The following PEAK1 variants were observed in gnomAD, a reference collection of about 807,000 sequenced individuals.
The protein encoded by PEAK1 is pseudopodium enriched atypical kinase 1.
Under a neutral mutation model 124.7 loss-of-function variants are expected in PEAK1, and 54 were observed. That is an observed-to-expected ratio of 0.43 (90% CI 0.35 to 0.54). PEAK1 has a LOEUF of 0.54. PEAK1 is among the 20% of genes least tolerant of loss of function. The pLI is 0.01. For synonymous variants in PEAK1, 719 were observed against 760.0 expected, an observed-to-expected ratio of 0.95 and a Z score of 0.89; for missense variants, 2,046 against 2,134.5, an observed-to-expected ratio of 0.96 and a Z score of 0.82.
chr15:77,279,856 T>G (rs1269650466), intron 5 of PEAK1, among the ~76,000 whole-genome samples: 4 of 152,198 alleles, frequency 2.6e-5, no homozygotes, highest in Admixed American at 2.0e-4. Flanking sequence ...AAAAATTCCA[T>G]TTATACAATA....
At chr15:77,420,624 T>TTAAA (rs555708489), upstream of PEAK1, 8 of 331,162 alleles carry the variant, frequency 2.4e-5, no homozygotes, top group Admixed American at 4.9e-5. Flanking sequence ...GCCTTCGCAA[T>TTAAA]AAAAAAAAAA....
intron 7 of PEAK1, 31 bp from the exon 8 acceptor site, chr15:77,158,727 G>T (rs146445487): frequency 5.0e-6 from 8 of 1,596,488 alleles, no homozygotes; most frequent in Non-Finnish European, 5.1e-6. Context: ...TGTCACACTG[G>T]TATTGGAAGG....
At chr15:77,375,787 A>C (rs2068962110) in intron 1 of PEAK1, among the ~76,000 whole-genome samples, 3 of 152,092 alleles carry the variant, frequency 2.0e-5, no homozygotes, top group Non-Finnish European at 4.4e-5. Context: ...CGAAGTCAGG[A>C]GATCGAGACC....
intron 6 of PEAK1, among the ~76,000 whole-genome samples, chr15:77,191,377 G>A (rs2057824868): frequency 1.3e-5 from 2 of 152,160 alleles, no homozygotes; most frequent in South Asian, 4.1e-4. Context: ...GAAGGGGTAT[G>A]ATCCCTCTAA....
chr15:77,418,027 T>G, intron 1 of PEAK1: 1 of 979,666 alleles, frequency 1.0e-6, no homozygotes, highest in Non-Finnish European at 1.2e-6. Context: ...TTAATGTGAT[T>G]GTCGGCAAAC....
intron 2 of PEAK1, among the ~76,000 whole-genome samples, chr15:77,303,239 T>C (rs1331601329): frequency 1.6e-4 from 24 of 152,240 alleles, no homozygotes; most frequent in Non-Finnish European, 2.9e-5. Flanking sequence ...AGGTCTTGTG[T>C]GAACAGAAGT....
At chr15:77,119,809 T>C (rs2051746413) in intron 9 of PEAK1, among the ~76,000 whole-genome samples, 1 of 152,242 alleles carries the variant, frequency 6.6e-6, no homozygotes, top group African/African-American at 2.4e-5. Context: ...AAATTTGTCA[T>C]TAAAAAGCAT....
chr15:77,385,424 T>A (rs998323855), intron 1 of PEAK1, among the ~76,000 whole-genome samples: 1 of 152,196 alleles, frequency 6.6e-6, no homozygotes, highest in Non-Finnish European at 1.5e-5. Context: ...AACTTCAGAT[T>A]AAAATGTCAG....
In PEAK1 at chr15:77,151,408, T is replaced by C. The variant is rs146026336; in HGVS notation, c.3331+7095A>G. 1.3e-5 allele frequency among the ~76,000 whole-genome samples: 2 copies of C among 152,360 alleles called. 1 individual carries two copies. The highest frequency in any genetic ancestry group is 2.9e-5 in the Non-Finnish European group (2 of 68,040). On this transcript the variant is annotated intron_variant, in intron 8 of 9. Coordinates refer to ENST00000682557, the MANE Select transcript of PEAK1 (RefSeq NM_001385026.1). ...TGAGTTCATTGTAGATTCTGGATAT[T>C]AGCCCTTTGTCAGATGAATAGATTG...
At chr15:77,197,682 A>G (rs2058174265) in intron 6 of PEAK1, among the ~76,000 whole-genome samples, 1 of 152,210 alleles carries the variant, frequency 6.6e-6, no homozygotes, top group Non-Finnish European at 1.5e-5. Context: ...TGTAATTCCT[A>G]GCCCAAACAT....
Position 77,218,918 on chromosome 15 carries a change from C to T in PEAK1, c.-115+33449G>A, listed in dbSNP as rs116559986. 5.2e-3 allele frequency among the ~76,000 whole-genome samples: 792 copies of T among 152,070 alleles called. 8 individuals carry two copies. The highest frequency in any genetic ancestry group is 0.018 in the African/African-American group (762 of 41,476). ...GTGGTGTGGAGAAAGGAATGACATA[C>T]TAAACTGCTCAAGGAAAGGTATGAA... On this transcript the variant is annotated intron_variant, in intron 6 of 9. Coordinates refer to ENST00000682557, the MANE Select transcript of PEAK1 (RefSeq NM_001385026.1).
At chr15:77,164,583 C>G (rs963408460) in intron 7 of PEAK1, among the ~76,000 whole-genome samples, 3 of 152,234 alleles carry the variant, frequency 2.0e-5, no homozygotes, top group African/African-American at 7.2e-5. Context: ...CTGTAAATCA[C>G]TGTCACTTTC....
At chr15:77,162,359 T>C (rs1397531261) in intron 7 of PEAK1, among the ~76,000 whole-genome samples, 2 of 151,768 alleles carry the variant, frequency 1.3e-5, no homozygotes, top group African/African-American at 4.8e-5. Flanking sequence ...GTGGGCGTGG[T>C]GGCGGGTGCC....
chr15:77,181,180 G>A lies in PEAK1; in HGVS notation c.747C>T (p.His249=), dbSNP rs532630848. ...DVLFSNMEEE[H]ESWDESDEEL... ...CTTCATCACTCTCATCCCAACTCTCGTGCTCCTCCTCCATGTTACTGAAAA... is the reference window on the plus strand; with the variant it reads ...CTTCATCACTCTCATCCCAACTCTCATGCTCCTCCTCCATGTTACTGAAAA... Residue 249 remains histidine, a synonymous_variant, in exon 7 of 10, where the codon CAC becomes CAT. Transcript: ENST00000682557. 4.4e-5 allele frequency: 71 copies of A among 1,613,994 alleles called. 1 individual carries two copies. In the South Asian group the frequency reaches 6.4e-4, roughly 14 times the overall value.
intron 9 of PEAK1, among the ~76,000 whole-genome samples, chr15:77,129,093 G>A (rs1455662060): frequency 2.0e-5 from 3 of 152,144 alleles, no homozygotes; most frequent in African/African-American, 7.2e-5. Context: ...TAGAACTGGT[G>A]TCCTTATAAG....
intron 6 of PEAK1, among the ~76,000 whole-genome samples, chr15:77,207,467 C>T (rs1466248208): frequency 1.3e-5 from 2 of 152,064 alleles, no homozygotes; most frequent in Admixed American, 1.3e-4. Context: ...TATACCCATA[C>T]AACAAATACT....
At chr15:77,149,956 C>T (rs566934434) in intron 8 of PEAK1, among the ~76,000 whole-genome samples, 1 of 152,126 alleles carries the variant, frequency 6.6e-6, no homozygotes, top group African/African-American at 2.4e-5. Context: ...TGCCATGTTG[C>T]CTAGGCTAAT....
intron 1 of PEAK1, among the ~76,000 whole-genome samples, chr15:77,366,616 C>T (rs886121025): frequency 1.3e-5 from 2 of 152,054 alleles, no homozygotes; most frequent in Non-Finnish European, 1.5e-5. Context: ...AGTACAGTGG[C>T]GTGATCACAG....
Position 77,298,197 on chromosome 15 carries a change from ATTTTTTTTTTTTTTTTTTTTTT to A in PEAK1, c.-602-11715_-602-11694del, listed in dbSNP as rs749000554. ...TAGCTTCTTTTGTTTGGTATCCTTA[ATTTTTTTTTTTTTTTTTTTTTT>A]TTTTTTTTTTTTTTTTTGAGAGGTA... On this transcript the variant is annotated intron_variant, in intron 2 of 9. Coordinates refer to ENST00000682557, the MANE Select transcript of PEAK1 (RefSeq NM_001385026.1). Among the ~76,000 whole-genome samples the A allele has an allele frequency of 3.2e-4, 12 of 37,818 alleles. 1 individual carries two copies. Among genetic ancestry groups the A allele is most frequent in the East Asian group, 1.1e-3 (1 of 952 alleles). The allele number at this position is 37,818 out of a possible 152,430, so 24.8% of individuals were successfully genotyped here.
Sources: allele counts gnomAD v4.1 joint callset (sites outside exome capture counted in the v4.1 genomes callset), GRCh38; gene constraint gnomAD v4.1.1; transcripts MANE v1.5; gene names NCBI Gene and HGNC (gene_info 2026-07-23, HGNC 2026-07-21).